TNC: variants seen among roughly 807,000 people sequenced by gnomAD.
The protein encoded by TNC is tenascin C.
TNC carries 109 observed loss-of-function variants against 202.4 expected under a neutral mutation model. The ratio of observed to expected loss-of-function variants is 0.54; its 90% CI spans 0.46 to 0.63. The LOEUF is 0.63. Among genes scored for constraint, TNC ranks in the 30% least tolerant of loss-of-function variants. TNC has a pLI of 0.00. For missense variants in TNC, 2,756 were observed against 2,833.3 expected, an observed-to-expected ratio of 0.97 and a Z score of 0.62; for synonymous variants, 1,007 against 1,089.7, an observed-to-expected ratio of 0.92 and a Z score of 1.50.
chr9:115,023,173 G>C (rs948135185), intron 27 of TNC, among the ~76,000 whole-genome samples: 1 of 152,136 alleles, frequency 6.6e-6, no homozygotes, highest in Non-Finnish European at 1.5e-5. Flanking sequence ...GACCTCATAA[G>C]CATCCTTGTG....
intron 15 of TNC, among the ~76,000 whole-genome samples, chr9:115,055,043 G>T (rs1195727045): frequency 6.6e-6 from 1 of 152,162 alleles, no homozygotes; most frequent in Admixed American, 6.5e-5. Flanking sequence ...CTGCTAGAGA[G>T]AAAAAGAGTG....
At chr9:115,098,726 G>C (rs1242233153) in intron 1 of TNC, among the ~76,000 whole-genome samples, 1 of 152,090 alleles carries the variant, frequency 6.6e-6, no homozygotes, top group African/African-American at 2.4e-5. Context: ...ACATCATTTT[G>C]GCAACCCATG....
intron 2 of TNC, 101 bp from the exon 3 acceptor site, chr9:115,087,374 G>T: frequency 8.5e-7 from 1 of 1,171,126 alleles, no homozygotes; most frequent in Non-Finnish European, 1.2e-6. Flanking sequence ...AAGGACGGTT[G>T]CACCCTCAGG....
intron 15 of TNC, 118 bp from the exon 16 acceptor site, chr9:115,048,650 G>T: frequency 1.8e-6 from 2 of 1,084,714 alleles, no homozygotes; most frequent in Non-Finnish European, 2.6e-6. Flanking sequence ...TGTGTTATAT[G>T]CTTAGAAAAT....
At chr9:115,041,223 T>C in intron 18 of TNC, 139 bp from the exon 19 acceptor site, 1 of 962,908 alleles carries the variant, frequency 1.0e-6, no homozygotes. Flanking sequence ...TCTCATTTGC[T>C]CCTACCCTCT....
chr9:115,088,153 T>G (rs1834940420), intron 2 of TNC, among the ~76,000 whole-genome samples: 1 of 152,210 alleles, frequency 6.6e-6, no homozygotes, highest in Non-Finnish European at 1.5e-5. Context: ...AGCTTAGTTT[T>G]CTTATACGTG....
chr9:115,056,901 G>T (rs1166204853), intron 15 of TNC, among the ~76,000 whole-genome samples: 1 of 152,156 alleles, frequency 6.6e-6, no homozygotes, highest in Non-Finnish European at 1.5e-5. Context: ...ATTCCATATG[G>T]CAAATTAGAC....
At chr9:115,074,101 T>G (rs1833668540) in intron 9 of TNC, among the ~76,000 whole-genome samples, 1 of 152,146 alleles carries the variant, frequency 6.6e-6, no homozygotes, top group South Asian at 2.1e-4. Flanking sequence ...TGTCATGGAA[T>G]ATCCATTCCA....
In TNC at chr9:115,111,219, C is replaced by T. The variant is rs1333083756; in HGVS notation, c.-137+6763G>A. Among the ~76,000 whole-genome samples, 4 of 152,194 alleles carry T rather than the reference C, an allele frequency of 2.6e-5. No homozygotes were observed. The East Asian group carries it at 7.7e-4, about 29-fold the overall frequency. On this transcript the variant is annotated intron_variant, in intron 1 of 27. Transcript: ENST00000350763. Reference sequence around the variant, plus strand: ...TGGCAGGCAGACTCTAAGGTGGCCCCATTGATACTGCCTCCCGGCATTCTC... The same window carrying T: ...TGGCAGGCAGACTCTAAGGTGGCCCTATTGATACTGCCTCCCGGCATTCTC...
chr9:115,075,782 T>TCAAAAA (rs1029552748), intron 9 of TNC, among the ~76,000 whole-genome samples: 1 of 151,982 alleles, frequency 6.6e-6, no homozygotes, highest in African/African-American at 2.4e-5. Context: ...ATACTCCATC[T>TCAAAAA]CAACAACAAC....
In TNC at chr9:115,094,205, C is replaced by T. The variant is rs151332039; in HGVS notation, c.-136-3051G>A. Among the ~76,000 whole-genome samples, 86 of 152,210 alleles carry T rather than the reference C, an allele frequency of 5.7e-4. 2 individuals carry two copies. The highest frequency in any genetic ancestry group is 5.6e-3 in the East Asian group (29 of 5,168). ...TTAAACAGTAGTTCCTATTTTGTTG[C>T]GCTCCTGGGGAACAAAACCTAACAA... On this transcript the variant is annotated intron_variant, in intron 1 of 27. Coordinates refer to ENST00000350763, the MANE Select transcript of TNC (RefSeq NM_002160.4).
At chr9:115,088,427 T>C (rs865989703) in intron 2 of TNC, among the ~76,000 whole-genome samples, 13 of 152,340 alleles carry the variant, frequency 8.5e-5, no homozygotes, top group South Asian at 4.1e-4. Flanking sequence ...GCCTTTATCT[T>C]TTATTTCTTT....
rs145121881 is a variant in TNC at position 115,086,902 on chromosome 9, C to T, written c.829G>A (p.Asp277Asn). ...LCVCHDGFAG[D>N]DCNKPLCLNN... ...AGACACAGAGGCTTGTTGCAGTCAT[C>T]GCCTGCAAAGCCATCGTGGCACACA... The change falls in exon 3 of 28, where the codon GAT becomes AAT. Residue 277 changes from aspartate (D) to asparagine (N), a missense_variant. By Grantham distance (23) the Asp-to-Asn change is conservative (BLOSUM62 1). Coordinates refer to ENST00000350763, the MANE Select transcript of TNC (RefSeq NM_002160.4). 7.5e-5 allele frequency: 121 copies of T among 1,613,928 alleles called. 1 individual carries two copies. In the African/African-American group the frequency reaches 1.3e-3, roughly 18 times the overall value.
intron 22 of TNC, among the ~76,000 whole-genome samples, chr9:115,031,961 G>A (rs960860400): frequency 2.6e-5 from 4 of 152,320 alleles, no homozygotes; most frequent in South Asian, 2.1e-4. Flanking sequence ...AAGGATGAGA[G>A]CACTGCTGTA....
intron 1 of TNC, among the ~76,000 whole-genome samples, chr9:115,113,804 C>T (rs1174203774): frequency 2.0e-5 from 3 of 152,138 alleles, no homozygotes; most frequent in East Asian, 1.9e-4. Context: ...ATTTTCCGTT[C>T]GCGATCTGCT....
rs1834533480 is a variant in TNC, at chr9:115,084,240, C to T, written c.2100G>A (p.Lys700=). Residue 700 remains lysine, a synonymous_variant, in exon 4 of 28, where the codon AAG becomes AAA. Coordinates refer to ENST00000350763, the MANE Select transcript of TNC (RefSeq NM_002160.4). ...CCACCCTGGCGCTGACAGGAATGCT[C>T]TTCTTGTTCTCCAGGATGGCAAATA... ...IRVFAILENK[K]SIPVSARVAT... 3 of 1,614,048 alleles carry T rather than the reference C, an allele frequency of 1.9e-6. No individual in the cohort carries two copies. Among genetic ancestry groups the T allele is most frequent in the Admixed American group, 1.7e-5 (1 of 60,004 alleles).
At chr9:115,105,849 T>G (rs1836577459) in intron 1 of TNC, among the ~76,000 whole-genome samples, 1 of 152,232 alleles carries the variant, frequency 6.6e-6, no homozygotes, top group South Asian at 2.1e-4. Context: ...CTTTCTTTAC[T>G]TCAGGTTTTT....
At chr9:115,022,911 CAT>C (rs1183542722) in intron 27 of TNC, among the ~76,000 whole-genome samples, 3 of 151,938 alleles carry the variant, frequency 2.0e-5, no homozygotes, top group Admixed American at 6.6e-5. Context: ...AGGGCATAAA[CAT>C]GTGTATCAAA....
chr9:115,037,525 ATTTT>A (rs993306512), intron 20 of TNC, among the ~76,000 whole-genome samples: 3 of 151,954 alleles, frequency 2.0e-5, no homozygotes, highest in Non-Finnish European at 2.9e-5. Context: ...TTATTTATTT[ATTTT>A]TTATTTTTAT....
Sources: gnomAD v4.1 joint callset for allele counts (sites outside exome capture counted in the v4.1 genomes callset) on GRCh38, gnomAD v4.1.1 for gene constraint, MANE v1.5 for transcripts, NCBI Gene and HGNC (gene_info 2026-07-23, HGNC 2026-07-21) for gene names.